ERGIC3: variants seen among roughly 807,000 people sequenced by gnomAD.
The protein encoded by ERGIC3 is ERGIC and golgi 3.
A neutral mutation model predicts 54.7 loss-of-function variants in ERGIC3; 33 were observed. That is an observed-to-expected ratio of 0.60 (90% confidence interval 0.46 to 0.81). The LOEUF (loss-of-function observed/expected upper bound fraction) is 0.81. Ranked by LOEUF, ERGIC3 falls within the 30% of genes least tolerant of loss-of-function variation. The pLI, the probability that ERGIC3 is intolerant of heterozygous loss-of-function variation, is 0.00. For missense variants in ERGIC3, 399 were observed against 488.4 expected, an observed-to-expected ratio of 0.82 and a Z score of 1.73; for synonymous variants, 186 against 189.8, an observed-to-expected ratio of 0.98 and a Z score of 0.16.
chr20:35,557,407 C>A lies in ERGIC3; in HGVS notation c.1073-18C>A. 6.2e-7 allele frequency: 1 copy of A among 1,613,490 alleles called. No individual in the cohort carries two copies. Among genetic ancestry groups the A allele is most frequent in the Non-Finnish European group, 8.5e-7 (1 of 1,179,534 alleles). On this transcript the variant is annotated intron_variant, in intron 12 of 12. Coordinates refer to ENST00000348547, the MANE Select transcript of ERGIC3 (RefSeq NM_015966.3). Reference sequence around the variant, plus strand: ...AAGGCCCCCACTGGGCCAGTGCCAGCCCTTGTCTCTCTCCCAGTGGCTGGA... The same window carrying A: ...AAGGCCCCCACTGGGCCAGTGCCAGACCTTGTCTCTCTCCCAGTGGCTGGA...
intron 4 of ERGIC3, chr20:35,543,674 A>G (rs1448160762): frequency 4.2e-6 from 2 of 471,150 alleles, no homozygotes; most frequent in Non-Finnish European, 8.8e-6. Flanking sequence ...AATGCAGGAC[A>G]CCAGTGGAAC....
chr20:35,557,034 G>T lies in ERGIC3; in HGVS notation c.941G>T (p.Gly314Val), dbSNP rs1773226573. The T allele has an allele frequency of 1.2e-6, 2 of 1,614,244 alleles. No individual in the cohort carries two copies. Among genetic ancestry groups the T allele is most frequent in the Non-Finnish European group, 1.7e-6 (2 of 1,180,036 alleles). Residue 314 changes from glycine (G) to valine (V), a missense_variant, in exon 11 of 13, where the codon GGC becomes GTC. Gly to Val is a moderately radical substitution (Grantham distance 109). Transcript: ENST00000348547. ...GAGAAGGTTGCCAATGGGCTGTTGG[G>T]CGACCAAGGCCTTCCCGGAGTCTTC... ...RHEKVANGLL[G>V]DQGLPGVFVL...
At chr20:35,547,388 C>T in intron 4 of ERGIC3, 24 bp from the exon 5 acceptor site, 2 of 1,600,276 alleles carry the variant, frequency 1.2e-6, no homozygotes, top group Non-Finnish European at 1.7e-6. Flanking sequence ...CCAGCTGATG[C>T]CTCTGCTTCT....
In ERGIC3 at chr20:35,548,528, G is replaced by A. The variant is rs1403689455; in HGVS notation, c.481G>A (p.Asp161Asn). The change falls in exon 6 of 13, where the codon GAT (aspartate) becomes AAT (asparagine). Residue 161 changes from aspartate (D) to asparagine (N), a missense_variant. Asp to Asn is a conservative substitution (Grantham distance 23). Transcript: ENST00000348547. ...CTACAGGTGCTGTAACACCTGTGAAGATGTGCGGGAGGCATATCGCCGTAG... is the reference window on the plus strand; with the variant it reads ...CTACAGGTGCTGTAACACCTGTGAAAATGTGCGGGAGGCATATCGCCGTAG... The part of the protein sequence containing the change: ...EDIKCCNTCE[D>N]VREAYRRRGW... 1.1e-5 allele frequency: 18 copies of A among 1,614,190 alleles called. No homozygotes were observed. Among genetic ancestry groups the A allele is most frequent in the Non-Finnish European group, 1.5e-5 (18 of 1,180,048 alleles).
At chr20:35,553,020 A>ATTTTTTTTTTTTAT (rs2064689956) in intron 7 of ERGIC3, among the ~76,000 whole-genome samples, 1 of 41,552 alleles carries the variant, frequency 2.4e-5, no homozygotes, top group Non-Finnish European at 4.4e-5. Context: ...AAAGCTGGGG[A>ATTTTTTTTTTTTAT]TTTTTTTTTT....
intron 4 of ERGIC3, chr20:35,544,614 C>T (rs367815661): frequency 4.4e-5 from 11 of 250,604 alleles, no homozygotes; most frequent in East Asian, 2.3e-4. Context: ...ACACACCTCT[C>T]GGATCATGTC....
intron 7 of ERGIC3, chr20:35,554,526 G>GTATC (rs991816679): frequency 7.7e-5 from 68 of 882,380 alleles, no homozygotes; most frequent in Admixed American, 1.5e-4. Flanking sequence ...GGTCTGGGAT[G>GTATC]TATCTTTGAA....
At chr20:35,547,655 C>CACCAG in intron 5 of ERGIC3, 150 bp downstream of exon 5, 1 of 671,756 alleles carries the variant, frequency 1.5e-6, no homozygotes, top group Admixed American at 2.4e-5. Flanking sequence ...CTGGTGCAAG[C>CACCAG]GACTGAGGCT....
rs571201997 is a variant in ERGIC3 at position 35,542,965 on chromosome 20, C to G, written c.367+24C>G. The G allele has an allele frequency of 2.2e-5, 35 of 1,613,274 alleles. 1 individual carries two copies. The South Asian group carries it at 3.5e-4, about 16-fold the overall frequency. The stretch of plus-strand genomic sequence containing the variant: ...TGGTAACCAGGGGAGGGGGCCGGGT[C>G]TCAGATCCCAAAGCTGGATGTACCC... On this transcript the variant is annotated intron_variant, in intron 4 of 12. Coordinates refer to ENST00000348547, the MANE Select transcript of ERGIC3 (RefSeq NM_015966.3).
In ERGIC3 at chr20:35,542,622, G is replaced by C. The variant is rs367661753; in HGVS notation, c.247+22G>C. On this transcript the variant is annotated intron_variant, in intron 3 of 12. Transcript: ENST00000348547. Reference sequence around the variant, plus strand: ...GCCTGTGAGTACCTCACCATGGGTGGGACTGGAGAGACCCAGGGTTCTCAT... The same window carrying C: ...GCCTGTGAGTACCTCACCATGGGTGCGACTGGAGAGACCCAGGGTTCTCAT... 4.3e-6 allele frequency: 7 copies of C among 1,613,094 alleles called. No individual in the cohort carries two copies. In the East Asian group the frequency reaches 1.1e-4, roughly 26 times the overall value.
At chr20:35,556,603 C>T (rs570555967) in intron 10 of ERGIC3, 6 of 498,042 alleles carry the variant, frequency 1.2e-5, no homozygotes, top group African/African-American at 9.6e-5. Flanking sequence ...CAAGGCTGCC[C>T]TGGCCTGTGG....
At chr20:35,554,937 G>C (rs1568872738) in intron 7 of ERGIC3, 107 bp from the exon 8 acceptor site, 3 of 1,321,444 alleles carry the variant, frequency 2.3e-6, no homozygotes, top group Non-Finnish European at 3.3e-6. Context: ...GAGAAGGAAT[G>C]AGGGGCAGAG....
Position 35,542,133 on chromosome 20 carries a change from CTACCCCAAGACTT to C in ERGIC3, c.38_50del (p.Tyr13TrpfsTer14). On this transcript the variant is annotated frameshift_variant, in exon 1 of 13. Coordinates refer to ENST00000348547, the MANE Select transcript of ERGIC3 (RefSeq NM_015966.3). LOFTEE classifies it high-confidence loss of function. ...TGGGGAAGCTGAAGCAGTTCGATGCCTACCCCAAGACTTTGGAGGACTTCCGGGTCAAGACCTG... is the reference window on the plus strand; with the variant it reads ...TGGGGAAGCTGAAGCAGTTCGATGCCTGGAGGACTTCCGGGTCAAGACCTG... 6.4e-7 allele frequency: 1 copy of C among 1,569,240 alleles called. No individual in the cohort carries two copies. The highest frequency in any genetic ancestry group is 8.6e-7 in the Non-Finnish European group (1 of 1,158,214).
Position 35,548,494 on chromosome 20 carries a change from C to T in ERGIC3, c.462-15C>T, listed in dbSNP as rs2147305814. 6.2e-7 allele frequency: 1 copy of T among 1,613,454 alleles called. No individual in the cohort carries two copies. Among genetic ancestry groups the T allele is most frequent in the East Asian group, 2.2e-5 (1 of 44,876 alleles). On this transcript the variant is annotated splice_polypyrimidine_tract_variant and intron_variant, in intron 5 of 12. Transcript: ENST00000348547. ...TGCCTCTTTAACACTCTCACCGTCA[C>T]TCCCTGCCCTACAGGTGCTGTAACA...
intron 4 of ERGIC3, chr20:35,543,234 G>C (rs1328245713): frequency 2.6e-6 from 1 of 377,772 alleles, no homozygotes; most frequent in Non-Finnish European, 5.1e-6. Flanking sequence ...TCTTGCCTTG[G>C]TAGAACTGTC....
intron 7 of ERGIC3, chr20:35,554,366 C>CTG: frequency 1.2e-6 from 2 of 1,614,216 alleles, no homozygotes; most frequent in Non-Finnish European, 1.7e-6. Flanking sequence ...CTCCCCCATG[C>CTG]TGCAGTACAT....
At chr20:35,553,019 G>GTTTTTTTTTTTTTTTTTTT (rs2064689546) in intron 7 of ERGIC3, among the ~76,000 whole-genome samples, 1 of 12,632 alleles carries the variant, frequency 7.9e-5, no homozygotes, top group African/African-American at 1.8e-4. Context: ...CAAAGCTGGG[G>GTTTTTTTTTTTTTTTTTTT]ATTTTTTTTT....
intron 7 of ERGIC3, among the ~76,000 whole-genome samples, chr20:35,553,019 G>GTTTTTTTTTTTT (rs2064689546): frequency 3.2e-4 from 4 of 12,634 alleles, no homozygotes; most frequent in Non-Finnish European, 4.3e-4. Context: ...CAAAGCTGGG[G>GTTTTTTTTTTTT]ATTTTTTTTT....
intron 4 of ERGIC3, chr20:35,543,407 A>G (rs772006702): frequency 2.1e-5 from 7 of 341,058 alleles, no homozygotes; most frequent in Non-Finnish European, 3.5e-5. Context: ...GCAGTCTGTG[A>G]GCTTCAGCTA....
Sources: allele counts gnomAD v4.1 joint callset (sites outside exome capture counted in the v4.1 genomes callset), GRCh38; gene constraint gnomAD v4.1.1; transcripts MANE v1.5; gene names NCBI Gene and HGNC (gene_info 2026-07-23, HGNC 2026-07-21).